The following RIN2 variants were observed in gnomAD, a reference collection of about 807,000 sequenced individuals.
RIN2 encodes the protein Ras and Rab interactor 2.
RIN2 carries 36 observed loss-of-function variants against 78.0 expected under a neutral mutation model. The observed-to-expected ratio is 0.46, with a 90% CI of 0.35 to 0.61. The LOEUF (loss-of-function observed/expected upper bound fraction) is 0.61, where lower values mean the gene tolerates loss of function less well. RIN2 is among the 20% of genes least tolerant of loss of function. RIN2 has a pLI of 0.00. For synonymous variants in RIN2, 466 were observed against 466.8 expected (o/e 1.00, Z 0.02); for missense variants, 1,087 against 1,159.7 (o/e 0.94, Z 0.91).
rs753872502 is a variant in RIN2 at position 19,974,987 on chromosome 20, C to G, written c.962C>G (p.Thr321Arg). ...CCACCCGCTATTAATAGTCTCCACA[C>G]AAGCCCTCGGCTGGCCAGGACTGAA... is the stretch of plus-strand genomic sequence containing the variant. ...PPPPAINSLH[T>R]SPRLARTETQ... Residue 321 changes from threonine to arginine, a missense_variant, in exon 9 of 13, where the codon ACA (threonine) becomes AGA (arginine). By Grantham distance (71) the Thr-to-Arg change is moderately conservative (BLOSUM62 -1). Around this residue, in one of 8 missense-constraint regions of RIN2, gnomAD observed 706 missense variants for 667.5 expected, o/e 1.06. Coordinates refer to ENST00000255006, the MANE Select transcript of RIN2 (RefSeq NM_018993.4). The G allele has an allele frequency of 2.5e-6, 4 of 1,612,144 alleles. No homozygotes were observed. The highest frequency in any genetic ancestry group is 3.4e-6 in the Non-Finnish European group (4 of 1,179,326).
intron 3 of RIN2, among the ~76,000 whole-genome samples, chr20:19,917,234 C>T (rs755049280): frequency 6.6e-6 from 1 of 152,078 alleles, no homozygotes; most frequent in Non-Finnish European, 1.5e-5. Context: ...GGTCATCCAC[C>T]GAATGCCTTA....
chr20:19,773,270 T>C (rs1237032996), intron 1 of RIN2, among the ~76,000 whole-genome samples: 2 of 152,222 alleles, frequency 1.3e-5, no homozygotes, highest in Non-Finnish European at 2.9e-5. Flanking sequence ...TAAATCTGCA[T>C]AGACCCCATT....
intron 2 of RIN2, among the ~76,000 whole-genome samples, chr20:19,883,113 C>T (rs1201839143): frequency 6.6e-6 from 1 of 152,122 alleles, no homozygotes; most frequent in Admixed American, 6.5e-5. Flanking sequence ...GGGGAAGCCA[C>T]CCCTCTTTCC....
chr20:19,884,923 G>A (rs927945329), intron 2 of RIN2, among the ~76,000 whole-genome samples: 1 of 152,158 alleles, frequency 6.6e-6, no homozygotes, highest in East Asian at 1.9e-4. Context: ...GTCCTCTAGG[G>A]TGAGTCACTT....
intron 1 of RIN2, among the ~76,000 whole-genome samples, chr20:19,787,461 G>A (rs2034720051): frequency 6.8e-6 from 1 of 147,328 alleles, no homozygotes; most frequent in Non-Finnish European, 1.5e-5. Flanking sequence ...GAGAGAGAGA[G>A]AAATGACCTC....
intron 2 of RIN2, among the ~76,000 whole-genome samples, chr20:19,869,732 C>T (rs1178507076): frequency 6.6e-6 from 1 of 151,644 alleles, no homozygotes; most frequent in East Asian, 1.9e-4. Flanking sequence ...TCAAGTGATG[C>T]TCCCACCTCA....
chr20:19,835,006 GA>G (rs1201035723), intron 2 of RIN2, among the ~76,000 whole-genome samples: 1 of 147,374 alleles, frequency 6.8e-6, no homozygotes, highest in Non-Finnish European at 1.5e-5. Context: ...GAGAGAGAGA[GA>G]AAGAAAAAGA....
chr20:19,967,845 G>A (rs554957469), intron 7 of RIN2, among the ~76,000 whole-genome samples: 2 of 152,082 alleles, frequency 1.3e-5, no homozygotes, highest in Non-Finnish European at 2.9e-5. Context: ...ATAATTTTAG[G>A]GGTCTTCTAT....
intron 4 of RIN2, among the ~76,000 whole-genome samples, chr20:19,942,996 C>T (rs954542294): frequency 6.6e-6 from 1 of 152,218 alleles, no homozygotes. Flanking sequence ...GGAAATAACA[C>T]CAGTGTAACC....
rs1323954898 is a variant in RIN2 at position 19,830,432 on chromosome 20, G to A, written c.-37+30685G>A. Among the ~76,000 whole-genome samples the A allele has an allele frequency of 3.9e-5, 6 of 152,226 alleles. No homozygotes were observed. In the East Asian group the frequency reaches 1.2e-3, roughly 29 times the overall value. ...AAGACCCCCTGCACTCTCAGGTGTA[G>A]CATCTTCCTGCCACATGAGGGATAC... On this transcript the variant is annotated intron_variant, in intron 2 of 12. Coordinates refer to ENST00000255006, the MANE Select transcript of RIN2 (RefSeq NM_018993.4).
intron 1 of RIN2, among the ~76,000 whole-genome samples, chr20:19,784,403 A>G (rs1166065135): frequency 6.6e-6 from 1 of 151,674 alleles, no homozygotes; most frequent in Non-Finnish European, 1.5e-5. Flanking sequence ...ATACTGTTGC[A>G]CTAAGAAATG....
chr20:19,957,640 G>A (rs2041595160), intron 5 of RIN2, among the ~76,000 whole-genome samples: 1 of 151,970 alleles, frequency 6.6e-6, no homozygotes, highest in South Asian at 2.1e-4. Flanking sequence ...TTGTGCCACT[G>A]CACTCCAGTC....
At chr20:19,948,625 T>C (rs1461159769) in intron 4 of RIN2, among the ~76,000 whole-genome samples, 1 of 152,024 alleles carries the variant, frequency 6.6e-6, no homozygotes, top group Non-Finnish European at 1.5e-5. Flanking sequence ...AAAATCATAG[T>C]ACATTTTAAA....
At chr20:19,764,149 A>G (rs1473308743) in intron 1 of RIN2, among the ~76,000 whole-genome samples, 1 of 152,222 alleles carries the variant, frequency 6.6e-6, no homozygotes, top group Non-Finnish European at 1.5e-5. Flanking sequence ...TATTTGGTAG[A>G]TCAGGAATTC....
intron 1 of RIN2, among the ~76,000 whole-genome samples, chr20:19,788,439 A>AAAAAAAAAACAAAAACAAAAC (rs59971778): frequency 7.5e-6 from 1 of 132,994 alleles, no homozygotes; most frequent in African/African-American, 3.3e-5. Context: ...TGCCAAAAAA[A>AAAAAAAAAACAAAAACAAAAC]AAAAAAAAAA....
At chr20:19,935,900 T>C (rs2040619292) in intron 4 of RIN2, among the ~76,000 whole-genome samples, 1 of 152,182 alleles carries the variant, frequency 6.6e-6, no homozygotes, top group Non-Finnish European at 1.5e-5. Context: ...ACACAGACAC[T>C]TCGTGCCTTA....
chr20:19,862,422 T>C (rs2037371279), intron 2 of RIN2, among the ~76,000 whole-genome samples: 1 of 152,078 alleles, frequency 6.6e-6, no homozygotes, highest in African/African-American at 2.4e-5. Flanking sequence ...TGAAACCCTA[T>C]CTCTACTAAA....
chr20:19,909,560 C>T (rs918693366), intron 3 of RIN2, among the ~76,000 whole-genome samples: 3 of 152,160 alleles, frequency 2.0e-5, no homozygotes, highest in Non-Finnish European at 4.4e-5. Flanking sequence ...ACACTCTGCA[C>T]CCTACTCCCC....
chr20:19,835,020 G>T (rs570439615), intron 2 of RIN2, among the ~76,000 whole-genome samples: 2 of 149,878 alleles, frequency 1.3e-5, no homozygotes, highest in South Asian at 4.2e-4. Flanking sequence ...GAAAAAGAGA[G>T]AGAGAAAAAA....
Sources: gnomAD v4.1 joint callset for allele counts (sites outside exome capture counted in the v4.1 genomes callset) on GRCh38, gnomAD v4.1.1 for gene constraint, gnomAD v4.1.1 regional missense constraint, MANE v1.5 for transcripts, NCBI Gene and HGNC (gene_info 2026-07-23, HGNC 2026-07-21) for gene names.